Variants in ZMYM2 observed in about 807,000 individuals in gnomAD.
ZMYM2 encodes the protein zinc finger MYM-type containing 2.
In ZMYM2, 56 loss-of-function variants were observed where a neutral mutation model predicts 162.8. That is an observed-to-expected ratio of 0.34 (90% CI 0.28 to 0.43). The LOEUF is 0.43. ZMYM2 is among the 20% of genes least tolerant of loss of function. The probability of loss-of-function intolerance (pLI) is 1.00; values close to 1 mark genes in which losing one functional copy is unlikely to be tolerated. For missense variants in ZMYM2, 1,275 were observed against 1,621.8 expected, an observed-to-expected ratio of 0.79 and a Z score of 3.67; for synonymous variants, 510 against 541.6, an observed-to-expected ratio of 0.94 and a Z score of 0.81.
intron 2 of ZMYM2, among the ~76,000 whole-genome samples, chr13:19,983,640 CT>C (rs1265720255): frequency 1.3e-5 from 2 of 150,906 alleles, no homozygotes; most frequent in Admixed American, 1.3e-4. Context: ...TTATTTTTTT[CT>C]TTTTTAAGAT....
the ZMYM2 span, among the ~76,000 whole-genome samples, chr13:19,878,105 TGC>T: frequency 1.3e-5 from 2 of 150,888 alleles, no homozygotes; most frequent in South Asian, 4.2e-4. Flanking sequence ...CAGGCTGGAG[TGC>T]AATGGCATGA....
At chr13:19,903,282 T>C in the ZMYM2 span, among the ~76,000 whole-genome samples, 1 of 151,792 alleles carries the variant, frequency 6.6e-6, no homozygotes, top group Non-Finnish European at 1.5e-5. Flanking sequence ...TGAGCCATGA[T>C]TGCAACACTG....
At chr13:19,887,694 T>C in the ZMYM2 span, among the ~76,000 whole-genome samples, 7 of 151,952 alleles carry the variant, frequency 4.6e-5, no homozygotes, top group Non-Finnish European at 8.8e-5. Context: ...TTTAAGTTAT[T>C]GAAATGAAGA....
At chr13:19,988,522 G>C (rs1046165095) in intron 2 of ZMYM2, among the ~76,000 whole-genome samples, 1 of 152,148 alleles carries the variant, frequency 6.6e-6, no homozygotes, top group Non-Finnish European at 1.5e-5. Context: ...GCTCACTCAC[G>C]CCTGTAATTC....
chr13:20,062,651 G>A (rs989021994), intron 17 of ZMYM2, among the ~76,000 whole-genome samples, 195 bp from the exon 18 acceptor site: 38 of 152,148 alleles, frequency 2.5e-4, no homozygotes, highest in African/African-American at 7.5e-4. Flanking sequence ...TCATGTGCTT[G>A]TGACTAATTA....
intron 2 of ZMYM2, among the ~76,000 whole-genome samples, chr13:19,967,590 A>G (rs1955907295): frequency 6.6e-6 from 1 of 152,240 alleles, no homozygotes; most frequent in South Asian, 2.1e-4. Flanking sequence ...AAATTTTACT[A>G]CACGTACATT....
chr13:19,929,577 A>AT, the ZMYM2 span, among the ~76,000 whole-genome samples: 1 of 151,960 alleles, frequency 6.6e-6, no homozygotes, highest in Non-Finnish European at 1.5e-5. Flanking sequence ...ATATTTAGAG[A>AT]TTTTTCCAGT....
chr13:20,052,778 G>A (rs1417961588), intron 14 of ZMYM2, among the ~76,000 whole-genome samples: 2 of 152,208 alleles, frequency 1.3e-5, no homozygotes, highest in African/African-American at 2.4e-5. Context: ...TACTAAGCAC[G>A]TGTATTTGGC....
intron 2 of ZMYM2, among the ~76,000 whole-genome samples, chr13:19,965,771 CTTTTTT>C (rs35914050): frequency 4.8e-5 from 5 of 104,886 alleles, no homozygotes; most frequent in East Asian, 2.5e-4. Flanking sequence ...TATCTGAATT[CTTTTTT>C]TTTTTTTTTT....
At chr13:20,011,148 C>G (rs1951144429) in intron 6 of ZMYM2, among the ~76,000 whole-genome samples, 1 of 152,164 alleles carries the variant, frequency 6.6e-6, no homozygotes, top group South Asian at 2.1e-4. Flanking sequence ...TGTATTCATT[C>G]TATAGTGCTA....
chr13:19,879,738 T>G, the ZMYM2 span, among the ~76,000 whole-genome samples: 1 of 152,168 alleles, frequency 6.6e-6, no homozygotes, highest in African/African-American at 2.4e-5. Context: ...TTGGGTAGTA[T>G]TGATATTGTG....
At chr13:19,922,754 G>A in the ZMYM2 span, among the ~76,000 whole-genome samples, 4 of 152,138 alleles carry the variant, frequency 2.6e-5, no homozygotes, top group African/African-American at 9.7e-5. Flanking sequence ...TGAGGCAGGA[G>A]AATGGCGAGA....
rs1400898327 is a variant in ZMYM2, at chr13:20,036,916, A to C, written c.2292+7A>C. ...TCAGGATTGGTACTACAAGGCGAGT[A>C]ACTCCTTTATTACAGCAGCTACTTT... On this transcript the variant is annotated splice_region_variant and intron_variant, in intron 12 of 24. Transcript: ENST00000610343. The C allele has an allele frequency of 6.2e-6, 10 of 1,601,540 alleles. No homozygotes were observed. The highest frequency in any genetic ancestry group is 8.5e-6 in the Non-Finnish European group (10 of 1,174,816).
chr13:19,875,046 G>A, the ZMYM2 span, among the ~76,000 whole-genome samples: 2 of 152,188 alleles, frequency 1.3e-5, no homozygotes, highest in Admixed American at 6.5e-5. Context: ...TGCCACCTGA[G>A]CCAGCAGTCC....
intron 2 of ZMYM2, among the ~76,000 whole-genome samples, chr13:19,978,970 A>C (rs1594136388): frequency 6.6e-6 from 1 of 152,182 alleles, no homozygotes; most frequent in East Asian, 1.9e-4. Context: ...GAAATATCTT[A>C]GTTTCACCTT....
intron 6 of ZMYM2, among the ~76,000 whole-genome samples, chr13:20,014,160 G>A (rs905984232): frequency 7.9e-5 from 12 of 152,040 alleles, no homozygotes; most frequent in African/African-American, 2.7e-4. Flanking sequence ...TGCAACCCCC[G>A]CCTCCCGGGT....
chr13:19,983,037 A>G (rs778881920), intron 2 of ZMYM2, among the ~76,000 whole-genome samples: 2 of 152,162 alleles, frequency 1.3e-5, no homozygotes, highest in Non-Finnish European at 2.9e-5. Context: ...TGTAGATACA[A>G]TTATTTTACT....
At chr13:19,916,017 A>G in the ZMYM2 span, among the ~76,000 whole-genome samples, 3 of 151,532 alleles carry the variant, frequency 2.0e-5, no homozygotes, top group South Asian at 2.1e-4. Flanking sequence ...CCGCCACCAC[A>G]CCCGGCTAAT....
chr13:20,051,836 G>A (rs1955377887), intron 13 of ZMYM2, among the ~76,000 whole-genome samples: 1 of 151,986 alleles, frequency 6.6e-6, no homozygotes, highest in Non-Finnish European at 1.5e-5. Context: ...TTGAGAGTGA[G>A]GAGAAGCTAA....
Sources: gnomAD v4.1 joint callset for allele counts (sites outside exome capture counted in the v4.1 genomes callset) on GRCh38, gnomAD v4.1.1 for gene constraint, MANE v1.5 for transcripts, NCBI Gene and HGNC (gene_info 2026-07-23, HGNC 2026-07-21) for gene names.